The following ARHGAP42 variants were observed in gnomAD, a reference collection of about 807,000 sequenced individuals.
ARHGAP42 encodes Rho GTPase activating protein 42.
A neutral mutation model predicts 125.0 loss-of-function variants in ARHGAP42; 63 were observed. The ratio of observed to expected loss-of-function variants is 0.50; its 90% CI spans 0.41 to 0.62. The LOEUF is 0.62. Ranked by LOEUF, ARHGAP42 falls within the 20% of genes least tolerant of loss-of-function variation. The pLI is 0.00. For missense variants in ARHGAP42, 766 were observed against 1,024.2 expected (o/e 0.75, Z 3.44); for synonymous variants, 339 against 351.0 (o/e 0.97, Z 0.38).
chr11:100,830,621 A>G (rs1864643067), intron 3 of ARHGAP42, among the ~76,000 whole-genome samples: 1 of 152,208 alleles, frequency 6.6e-6, no homozygotes, highest in Non-Finnish European at 1.5e-5. Context: ...GATCTAGAAA[A>G]TAACGTCTCA....
intron 18 of ARHGAP42, among the ~76,000 whole-genome samples, 171 bp from the exon 19 acceptor site, chr11:100,974,287 TA>T (rs1161223867): frequency 6.6e-6 from 1 of 152,008 alleles, no homozygotes; most frequent in African/African-American, 2.4e-5. Context: ...TGGGAGAGAA[TA>T]AAAAAGAAAA....
chr11:100,918,100 GT>G (rs886287527), intron 5 of ARHGAP42, among the ~76,000 whole-genome samples: 2 of 146,588 alleles, frequency 1.4e-5, no homozygotes, highest in Non-Finnish European at 3.0e-5. Flanking sequence ...TCCTTCTTAA[GT>G]TTTTGCACTG....
At position 100,936,319 on chromosome 11, in the gene ARHGAP42, T is replaced by C. The variant is rs61734880; in HGVS notation, c.819T>C (p.Tyr273=). The C allele has an allele frequency of 0.014, 22,021 of 1,551,538 alleles. 213 individuals are homozygous for C. Among genetic ancestry groups the C allele is most frequent in the Non-Finnish European group, 0.015 (17,601 of 1,146,862 alleles). ...AGTGGACGATGGAAGGCTATCTGTATGTCCAGGAGAAACGTGAGTCACAAA... is the reference window on the plus strand; with the variant it reads ...AGTGGACGATGGAAGGCTATCTGTACGTCCAGGAGAAACGTGAGTCACAAA... The part of the protein sequence containing the change: ...PSQWTMEGYL[Y]VQEKRPLGFT... Residue 273 remains tyrosine (Y), a synonymous_variant, in exon 8 of 24, where the codon TAT becomes TAC. Coordinates refer to ENST00000298815, the MANE Select transcript of ARHGAP42 (RefSeq NM_152432.4).
chr11:100,908,194 G>T (rs931342005), intron 4 of ARHGAP42, among the ~76,000 whole-genome samples: 2 of 152,136 alleles, frequency 1.3e-5, no homozygotes, highest in Non-Finnish European at 2.9e-5. Flanking sequence ...GAAAAATGGG[G>T]TTAGATAACA....
At chr11:100,966,331 A>C (rs1027600659) in intron 17 of ARHGAP42, among the ~76,000 whole-genome samples, 14 of 152,168 alleles carry the variant, frequency 9.2e-5, no homozygotes, top group African/African-American at 3.4e-4. Flanking sequence ...GTGTGTGTAC[A>C]TATATTTAAT....
At chr11:100,694,985 C>T (rs7115557) in intron 1 of ARHGAP42, among the ~76,000 whole-genome samples, 2,395 of 152,320 alleles carry the variant, frequency 0.016, 79 homozygotes, top group African/African-American at 0.054. Context: ...GAGCTGAGAT[C>T]GCGCCATTGC....
chr11:100,959,773 A>G (rs1459121768), intron 12 of ARHGAP42, 110 bp from the exon 13 acceptor site: 2 of 1,003,134 alleles, frequency 2.0e-6, no homozygotes, highest in African/African-American at 1.6e-5. Context: ...TGGAAGACTC[A>G]GAAAAAACCT....
chr11:100,726,036 T>G (rs1339264396), intron 1 of ARHGAP42, among the ~76,000 whole-genome samples: 1 of 148,072 alleles, frequency 6.8e-6, no homozygotes, highest in East Asian at 2.0e-4. Context: ...AGTTCAAGGT[T>G]GCAGTGAGCT....
At chr11:100,815,035 C>T (rs1864233425) in intron 3 of ARHGAP42, among the ~76,000 whole-genome samples, 1 of 152,224 alleles carries the variant, frequency 6.6e-6, no homozygotes, top group Admixed American at 6.5e-5. Flanking sequence ...AAAACAAGTG[C>T]TCCCTCTTAT....
At chr11:100,865,972 G>A (rs1565248966) in intron 4 of ARHGAP42, among the ~76,000 whole-genome samples, 1 of 152,154 alleles carries the variant, frequency 6.6e-6, no homozygotes, top group Non-Finnish European at 1.5e-5. Flanking sequence ...GTATTTTCTG[G>A]AGTGTGCGAT....
chr11:100,797,910 A>C (rs1863759551), intron 3 of ARHGAP42, among the ~76,000 whole-genome samples: 1 of 152,202 alleles, frequency 6.6e-6, no homozygotes, highest in Non-Finnish European at 1.5e-5. Flanking sequence ...CCTGCTCACA[A>C]AGAGGTTAAA....
At chr11:100,935,338 A>G (rs1867704084) in intron 7 of ARHGAP42, among the ~76,000 whole-genome samples, 1 of 152,094 alleles carries the variant, frequency 6.6e-6, no homozygotes, top group Non-Finnish European at 1.5e-5. Context: ...AAACCTATTG[A>G]TTTTTATGAG....
At chr11:100,926,567 A>G (rs1937881711) in intron 6 of ARHGAP42, among the ~76,000 whole-genome samples, 1 of 152,224 alleles carries the variant, frequency 6.6e-6, no homozygotes, top group Non-Finnish European at 1.5e-5. Flanking sequence ...ACGAGTTGGA[A>G]TAAGATGGAA....
chr11:100,688,140 T>A (rs899818247), intron 1 of ARHGAP42, among the ~76,000 whole-genome samples: 1 of 152,110 alleles, frequency 6.6e-6, no homozygotes, highest in African/African-American at 2.4e-5. Context: ...TTTTTTTTTT[T>A]TAATTTATTG....
chr11:100,968,611 G>C (rs576212897), intron 17 of ARHGAP42, among the ~76,000 whole-genome samples: 1 of 152,162 alleles, frequency 6.6e-6, no homozygotes, highest in South Asian at 2.1e-4. Flanking sequence ...TAATGAAGTT[G>C]AGGGAAAAGG....
chr11:100,895,212 G>A (rs956843614), intron 4 of ARHGAP42, among the ~76,000 whole-genome samples: 2 of 152,072 alleles, frequency 1.3e-5, no homozygotes, highest in African/African-American at 4.8e-5. Context: ...TTACAGAATT[G>A]GCTAAACATC....
In ARHGAP42 at chr11:100,973,675, G is replaced by T. The variant is rs141630006; in HGVS notation, c.1710+341G>T. 6.8e-4 allele frequency among the ~76,000 whole-genome samples: 104 copies of T among 152,146 alleles called. 1 individual carries two copies. The highest frequency in any genetic ancestry group is 5.6e-3 in the East Asian group (29 of 5,180). On this transcript the variant is annotated intron_variant, in intron 18 of 23. Coordinates refer to ENST00000298815, the MANE Select transcript of ARHGAP42 (RefSeq NM_152432.4). ...AAACTCTTAATTATATAGAGGTAAT[G>T]TTCTAACTAAACAAAAGAAAAAAAT... is the stretch of plus-strand genomic sequence containing the variant.
intron 12 of ARHGAP42, among the ~76,000 whole-genome samples, chr11:100,955,740 C>T (rs1211721687): frequency 6.6e-6 from 1 of 152,120 alleles, no homozygotes; most frequent in Non-Finnish European, 1.5e-5. Context: ...TTTAATGGTG[C>T]AATTTGATTT....
intron 4 of ARHGAP42, among the ~76,000 whole-genome samples, chr11:100,899,551 G>C (rs1177536729): frequency 2.0e-5 from 3 of 152,068 alleles, no homozygotes; most frequent in Non-Finnish European, 4.4e-5. Context: ...ATATATTTAG[G>C]ATAGTTAACT....
Sources: allele counts gnomAD v4.1 joint callset (sites outside exome capture counted in the v4.1 genomes callset), GRCh38; gene constraint gnomAD v4.1.1; transcripts MANE v1.5; gene names NCBI Gene and HGNC (gene_info 2026-07-23, HGNC 2026-07-21).